Variants in ENTREP2 observed in about 807,000 individuals in gnomAD.
ENTREP2 encodes the protein protein ENTREP2.
At chr15:29,545,694 G>A in the ENTREP2 span, among the ~76,000 whole-genome samples, 1 of 152,186 alleles carries the variant, frequency 6.6e-6, no homozygotes, top group South Asian at 2.1e-4. Flanking sequence ...AATAGCTGCT[G>A]AAGGCCACCC....
the ENTREP2 span, among the ~76,000 whole-genome samples, chr15:29,428,226 T>C: frequency 6.6e-6 from 1 of 152,222 alleles, no homozygotes; most frequent in Non-Finnish European, 1.5e-5. Flanking sequence ...CCATGTTTGT[T>C]TGTTTGAGAC....
the ENTREP2 span, among the ~76,000 whole-genome samples, chr15:29,571,226 G>C: frequency 6.6e-6 from 1 of 152,098 alleles, no homozygotes; most frequent in Non-Finnish European, 1.5e-5. Context: ...CAGGTCTGCG[G>C]AAGGAGAGCG....
the ENTREP2 span, among the ~76,000 whole-genome samples, chr15:29,657,486 G>GGA: frequency 1.3e-5 from 1 of 78,016 alleles, no homozygotes; most frequent in African/African-American, 5.3e-5. Context: ...GGGGGGGCGG[G>GGA]GGGGGGGGGT....
chr15:29,129,611 T>C, the ENTREP2 span, among the ~76,000 whole-genome samples: 1 of 152,222 alleles, frequency 6.6e-6, no homozygotes, highest in Admixed American at 6.5e-5. Context: ...GCCTTCTGAG[T>C]AGCTGGGATT....
the ENTREP2 span, among the ~76,000 whole-genome samples, chr15:29,643,651 G>A: frequency 1.7e-4 from 25 of 151,154 alleles, no homozygotes; most frequent in African/African-American, 6.1e-4. Context: ...GCATGGTGGT[G>A]AGCACCTGAG....
chr15:29,508,627 T>TA, the ENTREP2 span, among the ~76,000 whole-genome samples: 2 of 151,890 alleles, frequency 1.3e-5, no homozygotes, highest in Non-Finnish European at 2.9e-5. Flanking sequence ...GTATCACAAA[T>TA]AAACAGAAGC....
chr15:29,429,028 G>C, the ENTREP2 span, among the ~76,000 whole-genome samples: 2 of 152,200 alleles, frequency 1.3e-5, no homozygotes, highest in African/African-American at 4.8e-5. Context: ...CAAAATGATA[G>C]GTCTCCTGCA....
the ENTREP2 span, among the ~76,000 whole-genome samples, chr15:29,209,450 C>T: frequency 1.3e-5 from 2 of 152,160 alleles, no homozygotes; most frequent in South Asian, 2.1e-4. Context: ...TGCTGTGGGC[C>T]GGTATCACCC....
At chr15:29,230,612 A>G in the ENTREP2 span, among the ~76,000 whole-genome samples, 1 of 152,232 alleles carries the variant, frequency 6.6e-6, no homozygotes, top group Non-Finnish European at 1.5e-5. Context: ...TGAGAGAATA[A>G]TATCTCGGTA....
the ENTREP2 span, among the ~76,000 whole-genome samples, chr15:29,134,663 A>T: frequency 6.6e-6 from 1 of 152,214 alleles, no homozygotes. Context: ...TGCAACGGTG[A>T]CCAGTCCTTG....
chr15:29,488,559 C>A, the ENTREP2 span, among the ~76,000 whole-genome samples: 14 of 152,294 alleles, frequency 9.2e-5, no homozygotes, highest in African/African-American at 3.4e-4. Context: ...TCTACACACA[C>A]AAGAAGTTCA....
At chr15:29,638,041 G>T in the ENTREP2 span, among the ~76,000 whole-genome samples, 1 of 152,330 alleles carries the variant, frequency 6.6e-6, no homozygotes, top group South Asian at 2.1e-4. Flanking sequence ...GTCTGTCACT[G>T]CACCTAACTG....
chr15:29,311,812 G>A, the ENTREP2 span, among the ~76,000 whole-genome samples: 2 of 152,188 alleles, frequency 1.3e-5, no homozygotes, highest in Non-Finnish European at 2.9e-5. Flanking sequence ...ACCTTGCCCA[G>A]CTTCCAGATA....
chr15:29,349,098 T>C, the ENTREP2 span, among the ~76,000 whole-genome samples: 1 of 152,204 alleles, frequency 6.6e-6, no homozygotes, highest in Admixed American at 6.5e-5. Flanking sequence ...CGGTGTCTTC[T>C]TTCCAGACCC....
At chr15:29,151,653 C>G in the ENTREP2 span, 1 of 1,145,498 alleles carries the variant, frequency 8.7e-7, no homozygotes, top group Non-Finnish European at 1.3e-6. Context: ...GCTGTCCTCA[C>G]AGCATCTGGC....
chr15:29,558,788 G>A, the ENTREP2 span, among the ~76,000 whole-genome samples: 1 of 91,060 alleles, frequency 1.1e-5, no homozygotes, highest in Non-Finnish European at 2.3e-5. Flanking sequence ...GTGGGAAGAC[G>A]ACAAAGATGA....
the ENTREP2 span, among the ~76,000 whole-genome samples, chr15:29,271,637 G>C: frequency 1.3e-5 from 2 of 152,180 alleles, no homozygotes; most frequent in African/African-American, 4.8e-5. Flanking sequence ...GTTTCTCTCT[G>C]ACCACCGGTG....
At chr15:29,573,496 A>G in the ENTREP2 span, among the ~76,000 whole-genome samples, 3 of 152,208 alleles carry the variant, frequency 2.0e-5, no homozygotes, top group African/African-American at 7.2e-5. Flanking sequence ...AGTAGAAATG[A>G]GGAACAAAAA....
the ENTREP2 span, chr15:29,570,735 C>A: frequency 1.0e-6 from 1 of 974,768 alleles, no homozygotes; most frequent in South Asian, 4.7e-5. Context: ...GCGCCGGGCG[C>A]CCGCACGCCT....
Sources: gnomAD v4.1 joint callset for allele counts (sites outside exome capture counted in the v4.1 genomes callset) on GRCh38, gnomAD v4.1.1 for gene constraint, MANE v1.5 for transcripts, NCBI Gene and HGNC (gene_info 2026-07-23, HGNC 2026-07-21) for gene names.